The following PECAM1 variants were observed in gnomAD, a reference collection of about 807,000 sequenced individuals.
The protein encoded by PECAM1 is platelet and endothelial cell adhesion molecule 1.
A neutral mutation model predicts 13.8 loss-of-function variants in PECAM1; 8 were observed. The ratio of observed to expected loss-of-function variants is 0.58; its 90% CI spans 0.34 to 1.05. PECAM1 has a LOEUF of 1.05. PECAM1 is among the 50% of genes least tolerant of loss of function. The pLI is 0.03. For synonymous variants in PECAM1, 136 were observed against 52.6 expected, an observed-to-expected ratio of 2.58 and a Z score of -6.86; for missense variants, 304 against 141.2, an observed-to-expected ratio of 2.15 and a Z score of -5.84.
At chr17:64,368,931 C>CTTTTTTTTTTTTTTTT (rs1176037024) in intron 5 of PECAM1, among the ~76,000 whole-genome samples, 1 of 75,074 alleles carries the variant, frequency 1.3e-5, no homozygotes, top group Non-Finnish European at 2.2e-5. Context: ...ATTGTCATTT[C>CTTTTTTTTTTTTTTTT]TTTTTTTTTT....
At chr17:64,356,030 A>G (rs904150904) in intron 8 of PECAM1, 81 bp downstream of exon 8, 11 of 472,124 alleles carry the variant, frequency 2.3e-5, no homozygotes, top group Non-Finnish European at 3.9e-5. Flanking sequence ...CTCCCCCCCA[A>G]CTCCCTCTTA....
At chr17:64,371,853 A>G (rs2036248739) in intron 4 of PECAM1, among the ~76,000 whole-genome samples, 1 of 152,138 alleles carries the variant, frequency 6.6e-6, no homozygotes, top group Non-Finnish European at 1.5e-5. Flanking sequence ...TAAATAAAAT[A>G]AAGGGCTTGA....
intron 2 of PECAM1, among the ~76,000 whole-genome samples, chr17:64,380,531 G>T (rs1031525680): frequency 2.0e-5 from 3 of 152,060 alleles, no homozygotes; most frequent in Non-Finnish European, 4.4e-5. Context: ...GACTATGTCT[G>T]GTATGCTTTC....
intron 13 of PECAM1, among the ~76,000 whole-genome samples, chr17:64,342,644 T>A (rs1405465521): frequency 6.6e-6 from 1 of 151,966 alleles, no homozygotes; most frequent in East Asian, 1.9e-4. Context: ...GGGGCCCTAA[T>A]ATGCAGACAG....
intron 4 of PECAM1, 51 bp downstream of exon 4, chr17:64,375,000 T>C (rs1057055826): frequency 4.3e-6 from 2 of 461,726 alleles, no homozygotes; most frequent in Admixed American, 3.5e-5. Flanking sequence ...TTTCTCCCCA[T>C]ACCAAACCAG....
chr17:64,377,065 T>C (rs942273974), intron 3 of PECAM1, among the ~76,000 whole-genome samples: 31 of 152,316 alleles, frequency 2.0e-4, no homozygotes, highest in Admixed American at 2.0e-3. Flanking sequence ...CTTTTAACCC[T>C]CTCAATAATT....
intron 7 of PECAM1, among the ~76,000 whole-genome samples, chr17:64,359,758 CT>C (rs11431765): frequency 0.79 from 114,722 of 144,996 alleles, 50,908 homozygotes; most frequent in East Asian, 1. Flanking sequence ...ACTTCTCTCG[CT>C]TTTTTTTTTT....
Position 64,323,618 on chromosome 17 carries a change from C to T in PECAM1, c.*198G>A, listed in dbSNP as rs781821742. On this transcript the variant is annotated 3_prime_UTR_variant, in exon 16 of 16. Coordinates refer to ENST00000563924, the MANE Select transcript of PECAM1 (RefSeq NM_000442.5). The stretch of plus-strand genomic sequence containing the variant: ...GAGGGTATGTGGGAAATTCAACAGC[C>T]CCTCTGTATCTCTTTCTACCCAACA... The T allele has an allele frequency of 6.9e-7, 1 of 1,439,606 alleles. No individual in the cohort carries two copies. The highest frequency in any genetic ancestry group is 9.1e-7 in the Non-Finnish European group (1 of 1,100,590). The allele number at this position is 1,439,606 out of a possible 1,614,324, so 89.2% of individuals were successfully genotyped here.
chr17:64,340,891 A>G (rs2035410462), intron 14 of PECAM1, among the ~76,000 whole-genome samples: 1 of 152,104 alleles, frequency 6.6e-6, no homozygotes, highest in Non-Finnish European at 1.5e-5. Context: ...TGAGGTTGGG[A>G]GTTTGCGACC....
At position 64,322,407 on chromosome 17, in the gene PECAM1, T is replaced by C. The variant is rs1256505510; in HGVS notation, c.*1409A>G. ...GTCTCAAAACAACAAAACAAAAACA[T>C]AGACCTGCTCGGTTCTCTCTGTGAC... On this transcript the variant is annotated 3_prime_UTR_variant, in exon 16 of 16. Coordinates refer to ENST00000563924, the MANE Select transcript of PECAM1 (RefSeq NM_000442.5). 4.1e-6 allele frequency: 4 copies of C among 986,512 alleles called. No individual in the cohort carries two copies. The African/African-American group carries it at 7.0e-5, about 17-fold the overall frequency. The allele number at this position is 986,512 out of a possible 1,614,324, so 61.1% of individuals were successfully genotyped here.
At chr17:64,364,236 A>T (rs2036051048) in intron 5 of PECAM1, among the ~76,000 whole-genome samples, 1 of 152,206 alleles carries the variant, frequency 6.6e-6, no homozygotes. Flanking sequence ...GAAATGGATA[A>T]ATTCCTCAAC....
intron 7 of PECAM1, 75 bp from the exon 8 acceptor site, chr17:64,356,473 A>AC (rs1250948889): frequency 2.6e-4 from 109 of 412,148 alleles, no homozygotes; most frequent in Middle Eastern, 1.3e-3. Context: ...CCACTGCTCA[A>AC]CTTTTTTTTT....
chr17:64,365,100 A>G (rs1336187298), intron 5 of PECAM1, among the ~76,000 whole-genome samples: 1 of 151,594 alleles, frequency 6.6e-6, no homozygotes. Context: ...AATCTCCTTA[A>G]GCTGATAAGC....
At chr17:64,377,713 G>A (rs2036395432) in intron 3 of PECAM1, 111 bp downstream of exon 3, 1 of 463,236 alleles carries the variant, frequency 2.2e-6, no homozygotes, top group Non-Finnish European at 3.9e-6. Flanking sequence ...ATGAATGAGA[G>A]GGTGATGGGT....
chr17:64,380,627 T>A (rs2036462071), intron 2 of PECAM1, among the ~76,000 whole-genome samples: 1 of 152,204 alleles, frequency 6.6e-6, no homozygotes, highest in Non-Finnish European at 1.5e-5. Context: ...CAGTCCAATG[T>A]TTAAAACTCT....
rs2036698560 is a variant in PECAM1, at chr17:64,390,641, C to A, written c.25G>T (p.Ala9Ser). Residue 9 changes from alanine to serine, a missense_variant, in exon 1 of 16, where the codon GCC becomes TCC. Ala to Ser is a moderately conservative substitution (Grantham distance 99). Transcript: ENST00000563924. ...AGCAGGACTCCAAGCCACATCGTGG[C>A]CCCTTGGGCCCACCTCGGCTGCATC... MQPRWAQG[A>S]TMWLGVLLTL... is the part of the protein sequence containing the mutation. 4.2e-6 allele frequency: 2 copies of A among 470,638 alleles called. No individual in the cohort carries two copies. Among genetic ancestry groups the A allele is most frequent in the African/African-American group, 4.0e-5 (2 of 50,474 alleles). 29.2% of individuals were successfully genotyped at this position (470,638 alleles called of 1,614,324 possible).
Position 64,322,462 on chromosome 17 carries a change from T to C in PECAM1, c.*1354A>G. ...GAGGCCCAAGGAGTCCTCAGCACTA[T>C]AGATGCATGTGGCCCCTCAGAAGAC... On this transcript the variant is annotated 3_prime_UTR_variant, in exon 16 of 16. Coordinates refer to ENST00000563924, the MANE Select transcript of PECAM1 (RefSeq NM_000442.5). 1.0e-6 allele frequency: 1 copy of C among 985,514 alleles called. No individual in the cohort carries two copies. The highest frequency in any genetic ancestry group is 1.2e-6 in the Non-Finnish European group (1 of 830,016). The allele number at this position is 985,514 out of a possible 1,614,324, so 61.0% of individuals were successfully genotyped here. A position where few individuals can be genotyped will look rare whatever the true frequency, so the allele number is the denominator to read the frequency against.
intron 5 of PECAM1, among the ~76,000 whole-genome samples, chr17:64,366,504 G>T (rs1219532221): frequency 6.6e-6 from 1 of 151,092 alleles, no homozygotes; most frequent in African/African-American, 2.4e-5. Flanking sequence ...AAATCATGCT[G>T]CTATAAAGAC....
At chr17:64,333,271 C>T (rs1193137116) in intron 14 of PECAM1, among the ~76,000 whole-genome samples, 3 of 152,168 alleles carry the variant, frequency 2.0e-5, no homozygotes, top group Non-Finnish European at 2.9e-5. Flanking sequence ...CAAGACTCAG[C>T]ACCCATCCAG....
Sources: gnomAD v4.1 joint callset for allele counts (sites outside exome capture counted in the v4.1 genomes callset) on GRCh38, gnomAD v4.1.1 for gene constraint, MANE v1.5 for transcripts, NCBI Gene and HGNC (gene_info 2026-07-23, HGNC 2026-07-21) for gene names.